GCNT1: variants seen among roughly 807,000 people sequenced by gnomAD.
The protein encoded by GCNT1 is beta-1,3-galactosyl-O-glycosyl-glycoprotein beta-1,6-N-acetylglucosaminyltransferase.
Under a neutral mutation model 26.2 loss-of-function variants are expected in GCNT1, and 16 were observed. That is an observed-to-expected ratio of 0.61 (90% CI 0.41 to 0.93). The LOEUF (loss-of-function observed/expected upper bound fraction) is 0.93. Ranked by LOEUF, GCNT1 falls within the 40% of genes least tolerant of loss-of-function variation. GCNT1 has a pLI of 0.00. For synonymous variants in GCNT1, 183 were observed against 190.8 expected (o/e 0.96, Z 0.34); for missense variants, 477 against 526.7 (o/e 0.91, Z 0.92).
the GCNT1 span, among the ~76,000 whole-genome samples, chr9:76,402,829 G>A: frequency 2.6e-5 from 4 of 152,148 alleles, no homozygotes; most frequent in East Asian, 5.8e-4. Context: ...ACAGGCACGC[G>A]CCACCACGCC....
At chr9:76,494,684 G>A (rs547409891) in intron 2 of GCNT1, among the ~76,000 whole-genome samples, 1 of 152,210 alleles carries the variant, frequency 6.6e-6, no homozygotes, top group African/African-American at 2.4e-5. Context: ...GAGACAGGGA[G>A]TGGTTTTTAT....
At position 76,443,754 on chromosome 9, in the gene GCNT1, G is replaced by A. The variant is rs147693075; in HGVS notation, c.-290+1439G>A. ...AAGCTAGCCAGGTGTGGTGGTGCAT[G>A]CCTATAGTCCCAGCTACTTGGGAGG... On this transcript the variant is annotated intron_variant, in intron 1 of 2. Coordinates refer to the GCNT1 transcript ENST00000442371. Among the ~76,000 whole-genome samples the A allele has an allele frequency of 1.5e-3, 233 of 152,210 alleles. 5 individuals carry two copies. The East Asian group carries it at 0.037, about 24-fold the overall frequency.
intron 2 of GCNT1, among the ~76,000 whole-genome samples, chr9:76,482,982 A>G (rs2096874542): frequency 6.6e-6 from 1 of 151,994 alleles, no homozygotes; most frequent in Non-Finnish European, 1.5e-5. Flanking sequence ...TTAATCTAGT[A>G]TATCAAAATT....
the GCNT1 span, among the ~76,000 whole-genome samples, chr9:76,397,240 C>A: frequency 3.3e-5 from 5 of 151,846 alleles, no homozygotes; most frequent in East Asian, 5.8e-4. Flanking sequence ...CGAGATTGCT[C>A]CATTGTACTC....
At chr9:76,426,320 C>T (rs930365514) in intron 1 of GCNT1, among the ~76,000 whole-genome samples, 2 of 152,122 alleles carry the variant, frequency 1.3e-5, no homozygotes, top group Admixed American at 6.6e-5. Flanking sequence ...TCCATTCTAG[C>T]CCTTTGGGAG....
At chr9:76,444,794 C>T (rs1823549217) in intron 1 of GCNT1, among the ~76,000 whole-genome samples, 1 of 152,190 alleles carries the variant, frequency 6.6e-6, no homozygotes, top group African/African-American at 2.4e-5. Flanking sequence ...GACCTCAGCT[C>T]TTAGCCTGCT....
In GCNT1 at chr9:76,433,263, C is replaced by T. The variant is rs532785183; in HGVS notation, n.38+13376C>T. On this transcript the variant is annotated intron_variant and non_coding_transcript_variant, in intron 1 of 3. Coordinates refer to the GCNT1 transcript ENST00000488136. ...GGAGCTCAGCAGTTGCCCCACGTAA[C>T]GGAAAGCAGCAGGGCCAGGTCATCC... Among the ~76,000 whole-genome samples the T allele has an allele frequency of 2.6e-4, 40 of 152,310 alleles. 1 individual carries two copies. The highest frequency in any genetic ancestry group is 8.7e-4 in the African/African-American group (36 of 41,566).
chr9:76,442,360 T>C (rs1277155914), intron 1 of GCNT1: 1 of 152,210 alleles, frequency 6.6e-6, no homozygotes, highest in Non-Finnish European at 1.5e-5. Flanking sequence ...CTGTGTGTGG[T>C]AGTTTGTTAC....
At chr9:76,460,468 G>A (rs1225004752) in intron 2 of GCNT1, among the ~76,000 whole-genome samples, 1 of 152,160 alleles carries the variant, frequency 6.6e-6, no homozygotes, top group Non-Finnish European at 1.5e-5. Context: ...GTTCTGAAAG[G>A]CCGGTTTGTT....
chr9:76,404,106 G>C, the GCNT1 span, among the ~76,000 whole-genome samples: 1 of 152,272 alleles, frequency 6.6e-6, no homozygotes, highest in East Asian at 1.9e-4. Context: ...ACAGCCGTCT[G>C]TCTTATGTTC....
At chr9:76,423,855 T>G (rs1016919149) in intron 1 of GCNT1, among the ~76,000 whole-genome samples, 4 of 152,232 alleles carry the variant, frequency 2.6e-5, no homozygotes, top group Admixed American at 6.5e-5. Context: ...CTTTTTGTTG[T>G]TGGTGTTTCT....
At chr9:76,453,961 G>C (rs1823711550) in intron 1 of GCNT1, among the ~76,000 whole-genome samples, 1 of 152,308 alleles carries the variant, frequency 6.6e-6, no homozygotes, top group Non-Finnish European at 1.5e-5. Context: ...AATAGAAAAA[G>C]AGAATGTCGC....
chr9:76,504,681 G>A lies in GCNT1; in HGVS notation c.*1013G>A. 2.4e-6 allele frequency: 1 copy of A among 412,992 alleles called. No individual in the cohort carries two copies. Among genetic ancestry groups the A allele is most frequent in the Non-Finnish European group, 4.4e-6 (1 of 226,096 alleles). 25.6% of individuals were successfully genotyped at this position (412,992 alleles called of 1,614,324 possible). A position where few individuals can be genotyped will look rare whatever the true frequency, so the allele number is the denominator to read the frequency against. Reference sequence around the variant, plus strand: ...GCATTGACACCATCCCCAAAATTAAGGCTGTCGCTTATTGAATCCACTTGT... The same window carrying A: ...GCATTGACACCATCCCCAAAATTAAAGCTGTCGCTTATTGAATCCACTTGT... On this transcript the variant is annotated 3_prime_UTR_variant, in exon 4 of 4. Transcript: ENST00000376730.
At chr9:76,402,865 A>C in the GCNT1 span, among the ~76,000 whole-genome samples, 1 of 152,052 alleles carries the variant, frequency 6.6e-6, no homozygotes, top group African/African-American at 2.4e-5. Context: ...TTTTTAGTAG[A>C]GACGGGGTTT....
At chr9:76,430,901 G>T (rs929057131) in intron 1 of GCNT1, among the ~76,000 whole-genome samples, 1 of 152,058 alleles carries the variant, frequency 6.6e-6, no homozygotes, top group Admixed American at 6.6e-5. Flanking sequence ...GGCCAGGCTG[G>T]TCTCGAACTC....
At position 76,424,240 on chromosome 9, in the gene GCNT1, G is replaced by A. The variant is rs140450300; in HGVS notation, n.38+4353G>A. 2.6e-3 allele frequency among the ~76,000 whole-genome samples: 401 copies of A among 152,238 alleles called. 1 individual carries two copies. Among genetic ancestry groups the A allele is most frequent in the African/African-American group, 9.3e-3 (387 of 41,536 alleles). ...AAGTCCTTGCATTTTTCAAAAGCTA[G>A]GCAGAACCTGGAATCAAGGCCTGGG... On this transcript the variant is annotated intron_variant and non_coding_transcript_variant, in intron 1 of 3. Transcript: ENST00000488136.
chr9:76,481,073 T>C (rs1824409657), intron 2 of GCNT1, among the ~76,000 whole-genome samples: 1 of 152,084 alleles, frequency 6.6e-6, no homozygotes, highest in Non-Finnish European at 1.5e-5. Flanking sequence ...ACCCCATGTC[T>C]ACTAAAAATA....
intron 2 of GCNT1, among the ~76,000 whole-genome samples, chr9:76,470,568 C>T (rs955768576): frequency 2.4e-5 from 3 of 127,020 alleles, no homozygotes; most frequent in Non-Finnish European, 3.2e-5. Flanking sequence ...TGGGCCACCA[C>T]ATTCAAGCCT....
the GCNT1 span, among the ~76,000 whole-genome samples, chr9:76,394,970 T>C: frequency 6.6e-5 from 10 of 152,302 alleles, no homozygotes; most frequent in East Asian, 9.7e-4. Flanking sequence ...TCTGGAGTTA[T>C]TAATATATTC....
Sources: gnomAD v4.1 joint callset for allele counts (sites outside exome capture counted in the v4.1 genomes callset) on GRCh38, gnomAD v4.1.1 for gene constraint, MANE v1.5 for transcripts, NCBI Gene and HGNC (gene_info 2026-07-23, HGNC 2026-07-21) for gene names.